The following ZNF616 variants were observed in gnomAD, a reference collection of about 807,000 sequenced individuals.
ZNF616 encodes zinc finger protein 616.
A neutral mutation model predicts 7.6 loss-of-function variants in ZNF616; 5 were observed. The observed-to-expected ratio is 0.66, with a 90% CI of 0.34 to 1.38. The LOEUF (loss-of-function observed/expected upper bound fraction) is 1.38, where lower values mean the gene tolerates loss of function less well. ZNF616 is among the 40% of genes most tolerant of loss of function. The pLI, the probability that ZNF616 is intolerant of heterozygous loss-of-function variation, is 0.04. For missense variants in ZNF616, 913 were observed against 948.3 expected (o/e 0.96, Z 0.49); for synonymous variants, 319 against 317.2 (o/e 1.01, Z -0.06).
At position 52,114,834 on chromosome 19, in the gene ZNF616, T is replaced by C. The variant is rs369850376; in HGVS notation, c.2330A>G (p.Asn777Ser). Reference protein sequence around the residue: ...HTGESLTTKLNVTRP With the variant: ...HTGESLTTKLSVTRP ...GGACAACGTCTAAGGCCTTGTCACA[T>C]TGAGTTTAGTTGTAAGGCTCTCTCC... Residue 777 changes from asparagine to serine, a missense_variant, in exon 4 of 4, where the codon AAT becomes AGT. Asn to Ser is a conservative substitution (Grantham distance 46). Transcript: ENST00000600228. 5 of 1,581,276 alleles carry C rather than the reference T, an allele frequency of 3.2e-6. No homozygotes were observed. The highest frequency in any genetic ancestry group is 2.3e-5 in the South Asian group (2 of 85,334).
intron 1 of ZNF616, among the ~76,000 whole-genome samples, chr19:52,133,805 G>T (rs948219193): frequency 1.3e-5 from 2 of 152,006 alleles, no homozygotes; most frequent in African/African-American, 4.8e-5. Context: ...GAGCCACCAC[G>T]TCTGGCCCCA....
intron 1 of ZNF616, among the ~76,000 whole-genome samples, chr19:52,131,133 T>A (rs1334027569): frequency 2.0e-5 from 3 of 151,946 alleles, no homozygotes; most frequent in Non-Finnish European, 4.4e-5. Context: ...CCAGGCATGG[T>A]GGCACACCCC....
intron 1 of ZNF616, among the ~76,000 whole-genome samples, chr19:52,132,733 G>C (rs1299393330): frequency 6.6e-6 from 1 of 152,164 alleles, no homozygotes; most frequent in African/African-American, 2.4e-5. Context: ...CATGCTTCCT[G>C]TGCAGCCTGC....
rs775579003 is a variant in ZNF616 at position 52,117,033 on chromosome 19, T to C, written c.140-9A>G. On this transcript the variant is annotated splice_polypyrimidine_tract_variant and intron_variant, in intron 3 of 3. Coordinates refer to ENST00000600228, the MANE Select transcript of ZNF616 (RefSeq NM_178523.5). Reference sequence around the variant, plus strand: ...ACATTTAGGAGAGATACCTGCAAAATATAATGAACATGAGTTTTTTTTTAA... The same window carrying C: ...ACATTTAGGAGAGATACCTGCAAAACATAATGAACATGAGTTTTTTTTTAA... 6.5e-7 allele frequency: 1 copy of C among 1,539,872 alleles called. No individual in the cohort carries two copies. The highest frequency in any genetic ancestry group is 2.3e-5 in the Admixed American group (1 of 42,956).
intron 3 of ZNF616, among the ~76,000 whole-genome samples, chr19:52,119,824 T>C (rs545524280): frequency 2.6e-5 from 4 of 152,210 alleles, no homozygotes; most frequent in African/African-American, 4.8e-5. Context: ...TTATAATATA[T>C]GCTATGAATT....
chr19:52,126,704 G>A (rs2088911354), intron 2 of ZNF616, among the ~76,000 whole-genome samples: 1 of 152,150 alleles, frequency 6.6e-6, no homozygotes, highest in Non-Finnish European at 1.5e-5. Flanking sequence ...AGGAGGCAGA[G>A]GTTGCAGTGA....
Position 52,115,814 on chromosome 19 carries a change from T to C in ZNF616, c.1350A>G (p.Ser450=), listed in dbSNP as rs2088815683. ...NKCGKVYSKH[S]HLAVHWRIHT... ...GAATTCTCCAATGCACTGCAAGATG[T>C]GAATGCTTACTGTACACCTTGCCAC... The change falls in exon 4 of 4, where the codon TCA becomes TCG. Residue 450 remains serine (S), a synonymous_variant. Transcript: ENST00000600228. The C allele has an allele frequency of 1.9e-6, 3 of 1,608,660 alleles. No homozygotes were observed. Among genetic ancestry groups the C allele is most frequent in the Non-Finnish European group, 2.5e-6 (3 of 1,177,640 alleles).
Position 52,116,554 on chromosome 19 carries a change from GA to G in ZNF616, c.609del (p.Gln204ArgfsTer25), listed in dbSNP as rs1568558572. 1 of 1,614,066 alleles carries G rather than the reference GA, an allele frequency of 6.2e-7. No homozygotes were observed. Among genetic ancestry groups the G allele is most frequent in the Admixed American group, 1.7e-5 (1 of 60,022 alleles). ...GGTTTCTCTGTAGTATGTATCCTCT[GA>G]TGATTAATAAGGCTGGAAGACGCTT... is the stretch of plus-strand genomic sequence containing the variant. ...AFKASSSLIN[H>X]QRIHTTEKPY... is the part of the protein sequence containing the mutation. On this transcript the variant is annotated frameshift_variant, in exon 4 of 4. Transcript: ENST00000600228. LOFTEE classifies it low-confidence loss of function (END_TRUNC).
chr19:52,116,242 G>T lies in ZNF616; in HGVS notation c.922C>A (p.Gln308Lys), dbSNP rs1047069804. Residue 308 changes from glutamine (Q) to lysine (K), a missense_variant, in exon 4 of 4, where the codon CAG (glutamine) becomes AAG (lysine). Coordinates refer to ENST00000600228, the MANE Select transcript of ZNF616 (RefSeq NM_178523.5). ...KCNLCGKSFSQRVHLRLHQTV... is the reference protein window; with the variant it reads ...KCNLCGKSFSKRVHLRLHQTV... ...TGATGAAGTCTAAGATGGACACGCT[G>T]ACTAAAGGATTTCCCACACAGATTA... 2 of 1,614,000 alleles carry T rather than the reference G, an allele frequency of 1.2e-6. No homozygotes were observed. The highest frequency in any genetic ancestry group is 1.7e-6 in the Non-Finnish European group (2 of 1,179,994).
intron 1 of ZNF616, 35 bp from the exon 2 acceptor site, chr19:52,130,623 A>G: frequency 6.8e-7 from 1 of 1,474,534 alleles, no homozygotes; most frequent in Non-Finnish European, 9.2e-7. Context: ...TAATGCTTGG[A>G]AACAACACAT....
chr19:52,136,777 T>A (rs1480990036), intron 1 of ZNF616, among the ~76,000 whole-genome samples: 1 of 152,080 alleles, frequency 6.6e-6, no homozygotes, highest in African/African-American at 2.4e-5. Flanking sequence ...TTAAGAGACA[T>A]CTAGGCCAGG....
rs769092771 is a variant in ZNF616 at position 52,115,134 on chromosome 19, G to C, written c.2030C>G (p.Thr677Ser). Reference protein sequence around the residue: ...GKTFKRSSNLTAHQIIHAGKK... With the variant: ...GKTFKRSSNLSAHQIIHAGKK... Reference sequence around the variant, plus strand: ...TCCTGCATGAATTATCTGATGTGCAGTGAGGTTTGAGCTCCGTTTAAAGGT... The same window carrying C: ...TCCTGCATGAATTATCTGATGTGCACTGAGGTTTGAGCTCCGTTTAAAGGT... The change falls in exon 4 of 4, where the codon ACT (threonine) becomes AGT (serine). Residue 677 changes from threonine to serine, a missense_variant. Thr to Ser is a moderately conservative substitution (Grantham distance 58). Coordinates refer to ENST00000600228, the MANE Select transcript of ZNF616 (RefSeq NM_178523.5). The C allele has an allele frequency of 6.2e-7, 1 of 1,614,112 alleles. No homozygotes were observed. Among genetic ancestry groups the C allele is most frequent in the Non-Finnish European group, 8.5e-7 (1 of 1,180,028 alleles).
intron 3 of ZNF616, chr19:52,122,299 A>G (rs553828094): frequency 6.6e-6 from 1 of 152,254 alleles, no homozygotes; most frequent in African/African-American, 2.4e-5. Context: ...CAGCCTGACC[A>G]ATATGGAGAA....
chr19:52,126,951 T>A (rs897836809), intron 2 of ZNF616, among the ~76,000 whole-genome samples: 2 of 152,068 alleles, frequency 1.3e-5, no homozygotes, highest in Non-Finnish European at 2.9e-5. Context: ...ATAATAAAGA[T>A]ATTATCAAAG....
rs916820467 is a variant in ZNF616, at chr19:52,139,834, C to G, written c.-179G>C. On this transcript the variant is annotated 5_prime_UTR_variant, in exon 1 of 4. Transcript: ENST00000600228. The surrounding 1 kb of genome is among the most constrained non-coding windows in gnomAD (Gnocchi z 4.1). ...ACGGAGAAGTGAGGACTGCAAAGTG[C>G]ACGTTTAATCCAGGCAGACGGAGCG... The G allele has an allele frequency of 6.6e-6, 1 of 152,272 alleles. No homozygotes were observed. Among genetic ancestry groups the G allele is most frequent in the African/African-American group, 2.4e-5 (1 of 41,450 alleles). The allele number at this position is 152,272 out of a possible 1,614,324, so 9.4% of individuals were successfully genotyped here.
At chr19:52,117,662 T>C (rs968966298) in intron 3 of ZNF616, among the ~76,000 whole-genome samples, 2 of 152,100 alleles carry the variant, frequency 1.3e-5, no homozygotes, top group African/African-American at 4.8e-5. Context: ...AATCTCCCTT[T>C]ATAATAAGCA....
At chr19:52,138,098 T>C (rs1323822038) in intron 1 of ZNF616, among the ~76,000 whole-genome samples, 1 of 152,164 alleles carries the variant, frequency 6.6e-6, no homozygotes, top group Non-Finnish European at 1.5e-5. Context: ...TGAGCCGATA[T>C]AATTTTACCG....
At position 52,114,697 on chromosome 19, in the gene ZNF616, A is replaced by G. The variant is rs550092999; in HGVS notation, c.*121T>C. On this transcript the variant is annotated 3_prime_UTR_variant, in exon 4 of 4. Transcript: ENST00000600228. ...ACTTCCATGATTCAATCACCTCCCA[A>G]TGGGCCCCACCTCCAATACTGGAGA... is the stretch of plus-strand genomic sequence containing the variant. The G allele has an allele frequency of 8.3e-6, 10 of 1,197,718 alleles. No homozygotes were observed. Among genetic ancestry groups the G allele is most frequent in the African/African-American group, 1.5e-5 (1 of 65,024 alleles). 74.2% of individuals were successfully genotyped at this position (1,197,718 alleles called of 1,614,324 possible).
intron 2 of ZNF616, 59 bp from the exon 3 acceptor site, chr19:52,124,108 A>C: frequency 1.3e-6 from 2 of 1,545,390 alleles, no homozygotes; most frequent in Non-Finnish European, 1.7e-6. Flanking sequence ...GTTTACACAA[A>C]ATGAGGAGAG....
Sources: allele counts gnomAD v4.1 joint callset (sites outside exome capture counted in the v4.1 genomes callset), GRCh38; gene constraint gnomAD v4.1.1; non-coding constraint Gnocchi (gnomAD v3.1); transcripts MANE v1.5; gene names NCBI Gene and HGNC (gene_info 2026-07-23, HGNC 2026-07-21).